Variants in DMD observed in about 807,000 individuals in gnomAD.
The protein encoded by DMD is dystrophin, also known as mutant dystrophin.
In DMD, 63 loss-of-function variants were observed where a neutral mutation model predicts 330.1. That is an observed-to-expected ratio of 0.19 (90% CI 0.16 to 0.24). The LOEUF (loss-of-function observed/expected upper bound fraction) is 0.24, where lower values mean the gene tolerates loss of function less well. Among genes scored for constraint, DMD ranks in the 10% least tolerant of loss-of-function variants. The pLI is 1.00. For missense variants in DMD, 3,344 were observed against 2,684.1 expected (o/e 1.25, Z -5.43); for synonymous variants, 1,223 against 959.8 (o/e 1.27, Z -5.07).
intron 52 of DMD, among the ~76,000 whole-genome samples, chrX:31,693,814 T>C (rs753308035): frequency 8.9e-6 from 1 of 111,767 alleles, no homozygotes; most frequent in Non-Finnish European, 1.9e-5. Context: ...TGTTCATAAA[T>C]TGGAAAAATT....
At chrX:31,336,930 T>C (rs1163664279) in intron 61 of DMD, among the ~76,000 whole-genome samples, 1 of 107,161 alleles carries the variant, frequency 9.3e-6, no homozygotes, top group East Asian at 2.9e-4. Flanking sequence ...TTCTTTCTTT[T>C]TTTTTTTTTT....
chrX:31,655,589 G>C (rs758346617), intron 54 of DMD, among the ~76,000 whole-genome samples: 50 of 111,283 alleles, frequency 4.5e-4, no homozygotes, highest in Non-Finnish European at 3.8e-4. Context: ...CATTGCAACA[G>C]TAGTAAATGT....
intron 55 of DMD, among the ~76,000 whole-genome samples, chrX:31,565,173 T>C (rs759565004): frequency 2.7e-5 from 3 of 111,522 alleles, no homozygotes; most frequent in South Asian, 3.8e-4. Flanking sequence ...CTTGCAAAAA[T>C]ATAGTACAAT....
chrX:33,099,812 G>A (rs970876889), intron 1 of DMD, among the ~76,000 whole-genome samples: 5 of 111,170 alleles, frequency 4.5e-5, no homozygotes, highest in Admixed American at 1.9e-4. Context: ...TAAAGACAAC[G>A]TGTACTGTAA....
At chrX:32,801,632 A>G (rs2076573358) in intron 7 of DMD, among the ~76,000 whole-genome samples, 1 of 111,687 alleles carries the variant, frequency 9.0e-6, no homozygotes, top group African/African-American at 3.3e-5. Context: ...TAGGGTTTTT[A>G]TGGTTTTAGG....
At chrX:32,425,643 G>C (rs898412791) in intron 29 of DMD, among the ~76,000 whole-genome samples, 3 of 110,951 alleles carry the variant, frequency 2.7e-5, no homozygotes, top group Admixed American at 1.9e-4. Flanking sequence ...TCTCACAGTT[G>C]TTCCTCCTCA....
At chrX:32,866,098 ACAT>A (rs2082457260) in intron 2 of DMD, among the ~76,000 whole-genome samples, 1 of 112,380 alleles carries the variant, frequency 8.9e-6, no homozygotes, top group Admixed American at 9.4e-5. Context: ...CCGTAAGAGC[ACAT>A]CAGAGCTAGA....
chrX:33,077,879 C>T (rs1322559905), intron 1 of DMD, among the ~76,000 whole-genome samples: 1 of 112,277 alleles, frequency 8.9e-6, no homozygotes. Context: ...GTTCAGTCCC[C>T]ATTTTTATTA....
intron 7 of DMD, among the ~76,000 whole-genome samples, chrX:32,757,770 C>G (rs139738043): frequency 8.9e-6 from 1 of 111,795 alleles, no homozygotes; most frequent in Non-Finnish European, 1.9e-5. Flanking sequence ...GTCTTTGGTA[C>G]GCCTTTATTA....
At chrX:31,791,478 A>C (rs1057372695) in intron 50 of DMD, among the ~76,000 whole-genome samples, 1 of 111,294 alleles carries the variant, frequency 9.0e-6, no homozygotes, top group Admixed American at 9.6e-5. Context: ...GTGAGTGAAT[A>C]TTGCCAACAT....
chrX:31,386,370 T>A (rs1361433424), intron 60 of DMD, among the ~76,000 whole-genome samples: 1 of 111,374 alleles, frequency 9.0e-6, no homozygotes, highest in Non-Finnish European at 1.9e-5. Flanking sequence ...GAACTTAAAC[T>A]ATAGTAATAA....
intron 51 of DMD, among the ~76,000 whole-genome samples, chrX:31,749,221 C>A (rs1259746512): frequency 4.8e-4 from 52 of 107,372 alleles, no homozygotes; most frequent in Admixed American, 1.9e-3. Context: ...TATACATGTG[C>A]CATGCTGGCA....
chrX:32,230,330 T>C (rs1317866612), intron 43 of DMD, among the ~76,000 whole-genome samples: 21 of 112,182 alleles, frequency 1.9e-4, no homozygotes, highest in Non-Finnish European at 1.7e-4. Context: ...CTACAAGCTC[T>C]GCCTCCCAGG....
chrX:32,559,429 T>C (rs1279729307), intron 16 of DMD, among the ~76,000 whole-genome samples: 1 of 111,859 alleles, frequency 8.9e-6, no homozygotes, highest in African/African-American at 3.3e-5. Context: ...GCATCAGGCT[T>C]ACTAGTCGTG....
chrX:31,199,179 C>T lies in DMD; in HGVS notation c.9807+4782G>A, dbSNP rs377151004. Among the ~76,000 whole-genome samples, 24 of 111,666 alleles carry T rather than the reference C, an allele frequency of 2.1e-4. 1 individual carries two copies. In the East Asian group the frequency reaches 5.3e-3, roughly 25 times the overall value. On this transcript the variant is annotated intron_variant, in intron 67 of 78. Transcript: ENST00000357033. ...AGGGCAGGCTTGGCCTTACTAAGGT[C>T]GTAAAAATCAATCTAATCTCTCAAC...
chrX:32,501,655 AT>A (rs1479018473), intron 19 of DMD, 99 bp downstream of exon 19: 2 of 604,981 alleles, frequency 3.3e-6, no homozygotes, highest in African/African-American at 4.5e-5. Context: ...TTAAATTTGT[AT>A]TTAACAAGTG....
intron 60 of DMD, among the ~76,000 whole-genome samples, chrX:31,361,080 G>A (rs766702545): frequency 1.8e-5 from 2 of 110,596 alleles, no homozygotes; most frequent in Non-Finnish European, 3.8e-5. Context: ...GCAACATAGT[G>A]AGACCCTGTC....
At chrX:32,463,409 G>A in intron 25 of DMD, 30 bp downstream of exon 25, 1 of 1,161,779 alleles carries the variant, frequency 8.6e-7, no homozygotes, top group East Asian at 3.1e-5. Context: ...GTACGTTGAG[G>A]CAAGCCACAG....
intron 19 of DMD, among the ~76,000 whole-genome samples, chrX:32,498,472 G>A (rs185139595): frequency 9.1e-6 from 1 of 109,333 alleles, no homozygotes; most frequent in East Asian, 2.9e-4. Context: ...GTCTATGATC[G>A]TGAAAGATCA....
Sources: gnomAD v4.1 joint callset for allele counts (sites outside exome capture counted in the v4.1 genomes callset) on GRCh38, gnomAD v4.1.1 for gene constraint, MANE v1.5 for transcripts, NCBI Gene and HGNC (gene_info 2026-07-23, HGNC 2026-07-21) for gene names.